The following GOSR1 variants were observed in gnomAD, a reference collection of about 807,000 sequenced individuals.
GOSR1 encodes the protein golgi SNAP receptor complex member 1, also known as 28 kDa Golgi SNARE protein.
Under a neutral mutation model 35.5 loss-of-function variants are expected in GOSR1, and 21 were observed. The ratio of observed to expected loss-of-function variants is 0.59; its 90% CI spans 0.42 to 0.85. The LOEUF (loss-of-function observed/expected upper bound fraction) is 0.85. Ranked by LOEUF, GOSR1 falls within the 40% of genes least tolerant of loss-of-function variation. The pLI is 0.00. For synonymous variants in GOSR1, 94 were observed against 106.6 expected, an observed-to-expected ratio of 0.88 and a Z score of 0.73; for missense variants, 285 against 309.6, an observed-to-expected ratio of 0.92 and a Z score of 0.60.
chr17:30,502,651 C>T (rs1967252492), intron 6 of GOSR1, among the ~76,000 whole-genome samples: 1 of 152,200 alleles, frequency 6.6e-6, no homozygotes, highest in Non-Finnish European at 1.5e-5. Context: ...TTGTGCTAAA[C>T]AACCCATGAA....
At chr17:30,488,472 GT>G (rs565224342) in intron 4 of GOSR1, among the ~76,000 whole-genome samples, 1 of 147,042 alleles carries the variant, frequency 6.8e-6, no homozygotes, top group Non-Finnish European at 1.5e-5. Flanking sequence ...CCTAAATATA[GT>G]TTTTTTTAAA....
At chr17:30,499,809 C>T (rs553592518) in intron 6 of GOSR1, among the ~76,000 whole-genome samples, 1 of 152,180 alleles carries the variant, frequency 6.6e-6, no homozygotes, top group African/African-American at 2.4e-5. Flanking sequence ...CTTGCCAACA[C>T]GCCTTTCTAT....
chr17:30,491,530 G>A (rs1387591803), intron 5 of GOSR1, among the ~76,000 whole-genome samples: 3 of 152,018 alleles, frequency 2.0e-5, no homozygotes, highest in African/African-American at 7.2e-5. Flanking sequence ...GTAGTTGTAG[G>A]CATCTGTAAT....
rs936239080 is a variant in GOSR1 at position 30,524,259 on chromosome 17, A to G, written c.*1881A>G. On this transcript the variant is annotated 3_prime_UTR_variant, in exon 9 of 9. Coordinates refer to ENST00000451249, the MANE Select transcript of GOSR1 (RefSeq NM_001007025.2). ...AATAATTCTTGTCCTCTTATTTTAC[A>G]CTCATAATGAGAAATCACAAGTTCT... The G allele has an allele frequency of 3.9e-5, 6 of 152,238 alleles. No homozygotes were observed. Among genetic ancestry groups the G allele is most frequent in the African/African-American group, 1.4e-4 (6 of 41,402 alleles). The allele number at this position is 152,238 out of a possible 1,614,324, so 9.4% of individuals were successfully genotyped here.
intron 4 of GOSR1, 99 bp downstream of exon 4, chr17:30,484,869 C>A: frequency 1.4e-6 from 1 of 735,742 alleles, no homozygotes; most frequent in Non-Finnish European, 2.5e-6. Flanking sequence ...TTTAAAAGGA[C>A]AAAGAGAAAA....
chr17:30,480,648 T>C (rs1036350570), intron 1 of GOSR1, among the ~76,000 whole-genome samples: 2 of 152,106 alleles, frequency 1.3e-5, no homozygotes, highest in African/African-American at 4.8e-5. Flanking sequence ...TCTTGCCCCC[T>C]CTGAAGTTTA....
intron 1 of GOSR1, chr17:30,478,642 C>T (rs1302788081): frequency 6.6e-6 from 1 of 151,464 alleles, no homozygotes; most frequent in East Asian, 1.9e-4. Flanking sequence ...CTGCAGCCTC[C>T]GCCTCCTGCG....
At chr17:30,517,177 C>G (rs1201475755) in intron 7 of GOSR1, among the ~76,000 whole-genome samples, 2 of 152,048 alleles carry the variant, frequency 1.3e-5, no homozygotes, top group Non-Finnish European at 2.9e-5. Flanking sequence ...TTCTAATGTT[C>G]TTTTCATTTT....
At position 30,522,971 on chromosome 17, in the gene GOSR1, A is replaced by G. The variant is rs979113428; in HGVS notation, c.*593A>G. ...CCTGCAATTGCAGGCGAGCGCCGCC[A>G]CGCCTGACTGCCTCGGCCTCCCGAG... On this transcript the variant is annotated 3_prime_UTR_variant, in exon 9 of 9. Coordinates refer to ENST00000451249, the MANE Select transcript of GOSR1 (RefSeq NM_001007025.2). The G allele has an allele frequency of 9.5e-6, 2 of 210,312 alleles. No individual in the cohort carries two copies. The highest frequency in any genetic ancestry group is 1.9e-5 in the Non-Finnish European group (2 of 107,534). The allele number at this position is 210,312 out of a possible 1,614,324, so 13.0% of individuals were successfully genotyped here. A position where few individuals can be genotyped will look rare whatever the true frequency, so the allele number is the denominator to read the frequency against.
At chr17:30,514,238 C>T (rs941370092) in intron 7 of GOSR1, among the ~76,000 whole-genome samples, 8 of 152,200 alleles carry the variant, frequency 5.3e-5, no homozygotes, top group Non-Finnish European at 7.3e-5. Context: ...CTGCTCTAAT[C>T]TTGACTGGTG....
chr17:30,522,273 C>T lies in GOSR1; in HGVS notation c.642C>T (p.Asn214=). The T allele has an allele frequency of 6.2e-7, 1 of 1,607,696 alleles. No individual in the cohort carries two copies. Among genetic ancestry groups the T allele is most frequent in the Non-Finnish European group, 8.5e-7 (1 of 1,176,980 alleles). Residue 214 remains asparagine, a synonymous_variant, in exon 9 of 9, where the codon AAC becomes AAT. Transcript: ENST00000451249. Reference sequence around the variant, plus strand: ...CCAAAGATCGTTTTCCTGCTGTAAACAGCCTGATCCAGAGGATCAACCTGA... The same window carrying T: ...CCAAAGATCGTTTTCCTGCTGTAAATAGCCTGATCCAGAGGATCAACCTGA... ...NTLANRFPAV[N]SLIQRINLRK...
chr17:30,492,762 T>C lies in GOSR1; in HGVS notation c.509+9T>C. On this transcript the variant is annotated intron_variant, in intron 6 of 8. Transcript: ENST00000451249. ...CATGACCACCTTCGAAAGTAGGTAT[T>C]GAATGTATGTGCATTATGTGGTTTT... 6.7e-7 allele frequency: 1 copy of C among 1,481,880 alleles called. No homozygotes were observed. Among genetic ancestry groups the C allele is most frequent in the Non-Finnish European group, 9.4e-7 (1 of 1,060,148 alleles). 91.8% of individuals were successfully genotyped at this position (1,481,880 alleles called of 1,614,324 possible).
chr17:30,523,021 C>G lies in GOSR1; in HGVS notation c.*643C>G. 1 of 201,772 alleles carries G rather than the reference C, an allele frequency of 5.0e-6. No individual in the cohort carries two copies. The highest frequency in any genetic ancestry group is 6.1e-5 in the Admixed American group (1 of 16,290). The allele number at this position is 201,772 out of a possible 1,614,324, so 12.5% of individuals were successfully genotyped here. ...GGTGCCGGGATTGCAGACGGAGTCT[C>G]GTTCACTCAGTGCTCAATGGTGCCC... On this transcript the variant is annotated 3_prime_UTR_variant, in exon 9 of 9. Coordinates refer to ENST00000451249, the MANE Select transcript of GOSR1 (RefSeq NM_001007025.2).
intron 1 of GOSR1, among the ~76,000 whole-genome samples, chr17:30,478,176 C>T (rs1357749543): frequency 6.6e-6 from 1 of 152,156 alleles, no homozygotes; most frequent in African/African-American, 2.4e-5. Context: ...TGTTTAATTC[C>T]TGAAACTATA....
intron 6 of GOSR1, among the ~76,000 whole-genome samples, chr17:30,503,152 ACTAT>A (rs549923420): frequency 2.0e-4 from 31 of 152,378 alleles, no homozygotes; most frequent in Non-Finnish European, 2.6e-4. Flanking sequence ...GGAAGAAGAT[ACTAT>A]CTAAGTGATT....
intron 1 of GOSR1, chr17:30,480,293 G>C (rs1288120195): frequency 1.3e-5 from 2 of 148,310 alleles, no homozygotes; most frequent in Admixed American, 1.4e-4. Flanking sequence ...CTGGGTGACA[G>C]AACGAGACTC....
chr17:30,494,213 A>G (rs910884089), intron 6 of GOSR1, among the ~76,000 whole-genome samples: 1 of 151,908 alleles, frequency 6.6e-6, no homozygotes, highest in Non-Finnish European at 1.5e-5. Flanking sequence ...ACACACACAC[A>G]CAACTTTGTA....
At position 30,481,197 on chromosome 17, in the gene GOSR1, C is replaced by G; in HGVS notation, c.86C>G (p.Ser29Cys). 1 of 1,595,978 alleles carries G rather than the reference C, an allele frequency of 6.3e-7. No homozygotes were observed. The highest frequency in any genetic ancestry group is 8.6e-7 in the Non-Finnish European group (1 of 1,163,540). Residue 29 changes from serine (S) to cysteine (C), a missense_variant, in exon 2 of 9, where the codon TCC becomes TGC. This residue lies in a region of GOSR1 where 108 missense variants were observed against 98.9 expected (regional missense o/e 1.09). Transcript: ENST00000451249. The part of the protein sequence containing the change: ...LENELDLKLV[S>C]FSKLCTSYSH... ...AATGAACTTGACCTGAAACTAGTTT[C>G]CTTCAGCAAACTATGTACAAGTTAC...
At chr17:30,478,676 CCTCCTTAGTAG>C (rs1281516078) in intron 1 of GOSR1, 2 of 151,562 alleles carry the variant, frequency 1.3e-5, no homozygotes, top group Non-Finnish European at 2.9e-5. Context: ...CCTGTCTCAG[CCTCCTTAGTAG>C]CTGGGACTAC....
Sources: allele counts gnomAD v4.1 joint callset (sites outside exome capture counted in the v4.1 genomes callset), GRCh38; gene constraint gnomAD v4.1.1; regional missense constraint gnomAD v4.1.1; transcripts MANE v1.5; gene names NCBI Gene and HGNC (gene_info 2026-07-23, HGNC 2026-07-21).